The following CCNY variants were observed in gnomAD, a reference collection of about 807,000 sequenced individuals.
The protein encoded by CCNY is cyclin-Y.
Under a neutral mutation model 42.8 loss-of-function variants are expected in CCNY, and 19 were observed. That is an observed-to-expected ratio of 0.44 (90% CI 0.31 to 0.65). CCNY has a LOEUF of 0.65. CCNY is among the 30% of genes least tolerant of loss of function. The probability of loss-of-function intolerance (pLI) is 0.07; values close to 1 mark genes in which losing one functional copy is unlikely to be tolerated. For synonymous variants in CCNY, 165 were observed against 162.7 expected, an observed-to-expected ratio of 1.01 and a Z score of -0.11; for missense variants, 370 against 437.3, an observed-to-expected ratio of 0.85 and a Z score of 1.37.
intron 1 of CCNY, among the ~76,000 whole-genome samples, chr10:35,400,439 G>A (rs1026118033): frequency 7.9e-5 from 12 of 152,144 alleles, no homozygotes; most frequent in African/African-American, 1.2e-4. Flanking sequence ...GCTTCACGTC[G>A]TGGAATGGAG....
chr10:35,465,315 C>T (rs905685646), intron 1 of CCNY, among the ~76,000 whole-genome samples: 3 of 152,142 alleles, frequency 2.0e-5, no homozygotes, highest in South Asian at 4.1e-4. Flanking sequence ...GTCCGAGCAC[C>T]GATAGTTTTA....
intron 1 of CCNY, among the ~76,000 whole-genome samples, chr10:35,377,812 G>C (rs1211737093): frequency 1.3e-5 from 2 of 149,902 alleles, no homozygotes; most frequent in Non-Finnish European, 2.9e-5. Flanking sequence ...AAAAAATTAA[G>C]TAAGAAGAGT....
chr10:35,472,222 T>C (rs1449292078), intron 1 of CCNY, among the ~76,000 whole-genome samples: 2 of 152,238 alleles, frequency 1.3e-5, no homozygotes, highest in Admixed American at 6.5e-5. Flanking sequence ...TAGCCCACTT[T>C]GTAGATAAGG....
chr10:35,309,684 G>A (rs1835658527), intron 3 of CCNY, among the ~76,000 whole-genome samples: 1 of 152,164 alleles, frequency 6.6e-6, no homozygotes, highest in African/African-American at 2.4e-5. Flanking sequence ...GCCTCCCAAA[G>A]TGATGAGATT....
chr10:35,278,790 C>T lies in CCNY; in HGVS notation c.-9+28164C>T, dbSNP rs116283039. 3.3e-3 allele frequency among the ~76,000 whole-genome samples: 499 copies of T among 152,294 alleles called. 3 individuals are homozygous for T. The highest frequency in any genetic ancestry group is 0.011 in the African/African-American group (472 of 41,552). On this transcript the variant is annotated intron_variant, in intron 3 of 11. Transcript: ENST00000374706. Reference sequence around the variant, plus strand: ...GGTTGAGGGCCTTCCCAGTAAGTGACGCAGCTGTGAACCTTCCCTGCCAGG... The same window carrying T: ...GGTTGAGGGCCTTCCCAGTAAGTGATGCAGCTGTGAACCTTCCCTGCCAGG...
At chr10:35,508,677 C>T (rs1222224538) in intron 3 of CCNY, among the ~76,000 whole-genome samples, 1 of 152,160 alleles carries the variant, frequency 6.6e-6, no homozygotes, top group Non-Finnish European at 1.5e-5. Context: ...TCCAGTCTAT[C>T]CCATAGGGTT....
At chr10:35,449,304 GAGAGATGGTCCCGGCAGT>G (rs1838863505) in intron 1 of CCNY, among the ~76,000 whole-genome samples, 1 of 151,402 alleles carries the variant, frequency 6.6e-6, no homozygotes, top group African/African-American at 2.4e-5. Context: ...GGTGAAGAGA[GAGAGATGGTCCCGGCAGT>G]CAGCGAGGGA....
intron 1 of CCNY, among the ~76,000 whole-genome samples, chr10:35,478,827 T>C (rs1013074552): frequency 4.6e-5 from 7 of 152,174 alleles, no homozygotes; most frequent in African/African-American, 1.2e-4. Flanking sequence ...CACAGCAAAA[T>C]AGACTACCAT....
chr10:35,347,946 G>A (rs1046862733), intron 1 of CCNY, among the ~76,000 whole-genome samples: 1 of 152,186 alleles, frequency 6.6e-6, no homozygotes, highest in Non-Finnish European at 1.5e-5. Flanking sequence ...AGAAGTCATG[G>A]TGCTGTGTTT....
intron 3 of CCNY, among the ~76,000 whole-genome samples, chr10:35,308,021 TG>T (rs1467895777): frequency 6.6e-6 from 1 of 151,690 alleles, no homozygotes; most frequent in Non-Finnish European, 1.5e-5. Flanking sequence ...TTCACGATGT[TG>T]GGCAGGCTGG....
In CCNY at chr10:35,516,606, C is replaced by T. The variant is rs1409506756; in HGVS notation, c.348C>T (p.Leu116=). ...LDDSTVSQPN[L]KYTIKCVALA... is the part of the protein sequence containing the mutation. ...ATAGCACAGTCAGTCAACCAAACCT[C>T]AAGTATACAATTAAATGGTGGGTAT... is the stretch of plus-strand genomic sequence containing the variant. Residue 116 remains leucine, a synonymous_variant, in exon 4 of 10, where the codon CTC becomes CTT. Transcript: ENST00000374704. 6.3e-7 allele frequency: 1 copy of T among 1,580,764 alleles called. No individual in the cohort carries two copies. Among genetic ancestry groups the T allele is most frequent in the South Asian group, 1.1e-5 (1 of 90,444 alleles).
intron 1 of CCNY, among the ~76,000 whole-genome samples, chr10:35,460,980 A>G (rs1839146009): frequency 6.7e-6 from 1 of 149,390 alleles, no homozygotes; most frequent in South Asian, 2.2e-4. Context: ...TGAGGGAGGG[A>G]TGTGAAGAGT....
chr10:35,303,943 A>AAG lies in CCNY; in HGVS notation c.-9+53317_-9+53318insAG, dbSNP rs1281771026. 6.6e-5 allele frequency among the ~76,000 whole-genome samples: 10 copies of AAG among 152,246 alleles called. 1 individual carries two copies. In the South Asian group the frequency reaches 1.7e-3, roughly 25 times the overall value. ...GAGCACAGATTACGATGTGGGGAAA[A>AAG]CACTAAGATCCACCACTCTTTATCC... On this transcript the variant is annotated intron_variant, in intron 3 of 11. Coordinates refer to the CCNY transcript ENST00000374706.
chr10:35,348,014 G>T (rs1431291256), intron 1 of CCNY, among the ~76,000 whole-genome samples: 1 of 152,200 alleles, frequency 6.6e-6, no homozygotes, highest in Non-Finnish European at 1.5e-5. Flanking sequence ...TTCATTTACA[G>T]TGAGTGTTAA....
At chr10:35,405,277 A>G (rs1348664737) in intron 1 of CCNY, among the ~76,000 whole-genome samples, 1 of 151,800 alleles carries the variant, frequency 6.6e-6, no homozygotes, top group Middle Eastern at 3.2e-3. Flanking sequence ...TGAGCAGGAT[A>G]AGGGTGATTA....
chr10:35,352,498 C>G (rs1836450502), intron 1 of CCNY, among the ~76,000 whole-genome samples: 2 of 152,158 alleles, frequency 1.3e-5, no homozygotes, highest in South Asian at 4.1e-4. Context: ...GTAGCCTGAG[C>G]AGAGGGCCAT....
At chr10:35,415,926 A>AT (rs972385037) in intron 1 of CCNY, among the ~76,000 whole-genome samples, 59 of 152,316 alleles carry the variant, frequency 3.9e-4, no homozygotes, top group African/African-American at 1.3e-3. Context: ...AAAACCAATG[A>AT]TTTTTTAAAA....
chr10:35,308,310 T>A (rs1383083688), intron 3 of CCNY, among the ~76,000 whole-genome samples: 1 of 151,552 alleles, frequency 6.6e-6, no homozygotes, highest in East Asian at 2.0e-4. Flanking sequence ...CCCAGCACTT[T>A]GGGAGGCCAA....
chr10:35,321,913 T>A lies in CCNY; in HGVS notation c.-9+71287T>A, dbSNP rs143322805. 7.3e-3 allele frequency among the ~76,000 whole-genome samples: 1,116 copies of A among 152,228 alleles called. 12 individuals are homozygous for A. Among genetic ancestry groups the A allele is most frequent in the African/African-American group, 0.025 (1,058 of 41,536 alleles). On this transcript the variant is annotated intron_variant, in intron 3 of 11. Transcript: ENST00000374706. ...TATGGGCAAGTAATTTTTGACAAAG[T>A]GGCCACAGTAAGTCAATAGGGGAAA...
Sources: allele counts gnomAD v4.1 joint callset (sites outside exome capture counted in the v4.1 genomes callset), GRCh38; gene constraint gnomAD v4.1.1; transcripts MANE v1.5; gene names NCBI Gene and HGNC (gene_info 2026-07-23, HGNC 2026-07-21).